Variants in ZNF704 observed in about 807,000 individuals in gnomAD.
ZNF704 encodes the protein zinc finger protein 704.
In ZNF704, 10 loss-of-function variants were observed where a neutral mutation model predicts 44.7. That is an observed-to-expected ratio of 0.22 (90% CI 0.14 to 0.38). The LOEUF is 0.38. Ranked by LOEUF, ZNF704 falls within the 10% of genes least tolerant of loss-of-function variation. ZNF704 has a pLI of 1.00. For missense variants in ZNF704, 390 were observed against 545.5 expected (o/e 0.71, Z 2.84); for synonymous variants, 211 against 207.6 (o/e 1.02, Z -0.14).
chr8:80,766,167 T>A (rs1287250493), intron 2 of ZNF704, among the ~76,000 whole-genome samples: 1 of 152,152 alleles, frequency 6.6e-6, no homozygotes, highest in Non-Finnish European at 1.5e-5. Flanking sequence ...CGCTTCCCTG[T>A]TCACAGTAAC....
Position 80,835,842 on chromosome 8 carries a change from C to T in ZNF704, c.-21-14227G>A, listed in dbSNP as rs1808550006. 2.0e-5 allele frequency among the ~76,000 whole-genome samples: 3 copies of T among 152,134 alleles called. No individual in the cohort carries two copies. The East Asian group carries it at 5.8e-4, about 29-fold the overall frequency. Reference sequence around the variant, plus strand: ...GATATTTTATTTGTTTTATATAATTCAAAGTTCAACTCACCCATTCACACC... The same window carrying T: ...GATATTTTATTTGTTTTATATAATTTAAAGTTCAACTCACCCATTCACACC... On this transcript the variant is annotated intron_variant, in intron 1 of 8. Coordinates refer to ENST00000327835, the MANE Select transcript of ZNF704 (RefSeq NM_001033723.3).
At chr8:80,827,590 C>A (rs913129254) in intron 1 of ZNF704, among the ~76,000 whole-genome samples, 3 of 152,098 alleles carry the variant, frequency 2.0e-5, no homozygotes, top group Admixed American at 6.5e-5. Flanking sequence ...TCATATGGAA[C>A]CAAAAAAGAG....
chr8:80,761,728 C>G (rs1289257962), intron 2 of ZNF704, among the ~76,000 whole-genome samples: 1 of 152,182 alleles, frequency 6.6e-6, no homozygotes, highest in Non-Finnish European at 1.5e-5. Context: ...CATAAACACT[C>G]AGGTATACTA....
At chr8:80,681,949 G>A (rs1194308446) in intron 4 of ZNF704, among the ~76,000 whole-genome samples, 1 of 152,144 alleles carries the variant, frequency 6.6e-6, no homozygotes, top group Non-Finnish European at 1.5e-5. Context: ...TTTTCTCTAT[G>A]AGGCCAATCA....
At chr8:80,850,084 T>C (rs868198949) in intron 1 of ZNF704, among the ~76,000 whole-genome samples, 3 of 152,198 alleles carry the variant, frequency 2.0e-5, no homozygotes, top group Non-Finnish European at 4.4e-5. Flanking sequence ...GCTGGGTTTG[T>C]ACTTTTATTT....
intron 2 of ZNF704, among the ~76,000 whole-genome samples, chr8:80,704,560 T>C (rs995817200): frequency 6.6e-6 from 1 of 152,042 alleles, no homozygotes; most frequent in Non-Finnish European, 1.5e-5. Flanking sequence ...GATTAGAGGG[T>C]TGGACTTCCG....
intron 2 of ZNF704, among the ~76,000 whole-genome samples, chr8:80,784,644 T>C (rs982341261): frequency 1.2e-4 from 19 of 152,166 alleles, no homozygotes; most frequent in Non-Finnish European, 2.4e-4. Context: ...GTTCTTTGTA[T>C]ATTTTGGATA....
At chr8:80,816,323 T>C (rs1189927792) in intron 2 of ZNF704, among the ~76,000 whole-genome samples, 1 of 152,230 alleles carries the variant, frequency 6.6e-6, no homozygotes, top group Non-Finnish European at 1.5e-5. Context: ...TAAACATCCT[T>C]CACACAATCA....
chr8:80,849,674 G>A (rs942066840), intron 1 of ZNF704, among the ~76,000 whole-genome samples: 1 of 152,194 alleles, frequency 6.6e-6, no homozygotes, highest in African/African-American at 2.4e-5. Flanking sequence ...ATTTGCAAGA[G>A]AGTGAGTTCC....
At chr8:80,764,735 A>T (rs1214067784) in intron 2 of ZNF704, among the ~76,000 whole-genome samples, 1 of 152,224 alleles carries the variant, frequency 6.6e-6, no homozygotes, top group Non-Finnish European at 1.5e-5. Flanking sequence ...CTGCTTTTGC[A>T]GCACCAATAA....
At chr8:80,691,229 T>C (rs974897321) in intron 3 of ZNF704, among the ~76,000 whole-genome samples, 3 of 152,234 alleles carry the variant, frequency 2.0e-5, no homozygotes, top group Non-Finnish European at 4.4e-5. Flanking sequence ...GTGAACCATA[T>C]CTTAATCTCA....
At chr8:80,761,491 C>T (rs1041130505) in intron 2 of ZNF704, among the ~76,000 whole-genome samples, 1 of 151,958 alleles carries the variant, frequency 6.6e-6, no homozygotes, top group Admixed American at 6.6e-5. Flanking sequence ...CACTGAAATC[C>T]CCAAAAATCA....
intron 2 of ZNF704, among the ~76,000 whole-genome samples, chr8:80,779,771 C>G (rs1807479468): frequency 1.3e-5 from 2 of 151,874 alleles, no homozygotes; most frequent in South Asian, 4.1e-4. Flanking sequence ...TAGAGTCACT[C>G]TCTACAGGAT....
At chr8:80,706,769 G>T (rs1818904958) in intron 2 of ZNF704, among the ~76,000 whole-genome samples, 1 of 152,222 alleles carries the variant, frequency 6.6e-6, no homozygotes, top group African/African-American at 2.4e-5. Flanking sequence ...GTTTTTCATT[G>T]TAACTTTAAA....
intron 2 of ZNF704, among the ~76,000 whole-genome samples, chr8:80,798,900 C>T (rs932884740): frequency 6.6e-6 from 1 of 152,120 alleles, no homozygotes; most frequent in Non-Finnish European, 1.5e-5. Context: ...GTTTAGGGGC[C>T]GTATCTGGTG....
chr8:80,724,237 G>C (rs1317734086), intron 2 of ZNF704, among the ~76,000 whole-genome samples: 2 of 152,192 alleles, frequency 1.3e-5, no homozygotes, highest in Non-Finnish European at 2.9e-5. Flanking sequence ...GAGGTAGTTT[G>C]ACAGAGGTTA....
At position 80,631,304 on chromosome 8, in the gene ZNF704, C is replaced by G. The variant is rs1367204661; in HGVS notation, c.*10062G>C. 6.6e-6 allele frequency: 1 copy of G among 152,176 alleles called. No individual in the cohort carries two copies. Among genetic ancestry groups the G allele is most frequent in the Non-Finnish European group, 1.5e-5 (1 of 68,040 alleles). 9.4% of individuals were successfully genotyped at this position (152,176 alleles called of 1,614,324 possible). A position where few individuals can be genotyped will look rare whatever the true frequency, so the allele number is the denominator to read the frequency against. Reference sequence around the variant, plus strand: ...GCCGCTCTTCCTCTTTCCTCTCGGTCCCAGCCATCTGTGCCCAAAACATAG... The same window carrying G: ...GCCGCTCTTCCTCTTTCCTCTCGGTGCCAGCCATCTGTGCCCAAAACATAG... On this transcript the variant is annotated 3_prime_UTR_variant, in exon 9 of 9. Transcript: ENST00000327835.
intron 1 of ZNF704, among the ~76,000 whole-genome samples, chr8:80,834,432 G>C (rs976828467): frequency 2.6e-5 from 4 of 152,118 alleles, no homozygotes; most frequent in African/African-American, 9.7e-5. Flanking sequence ...TTATGTTTTG[G>C]CATCATATGT....
chr8:80,700,978 T>C (rs543254156), intron 2 of ZNF704, among the ~76,000 whole-genome samples: 1 of 152,044 alleles, frequency 6.6e-6, no homozygotes, highest in East Asian at 1.9e-4. Flanking sequence ...CCTAGGCAGT[T>C]AGAGGCTAGT....
Sources: gnomAD v4.1 joint callset for allele counts (sites outside exome capture counted in the v4.1 genomes callset) on GRCh38, gnomAD v4.1.1 for gene constraint, MANE v1.5 for transcripts, NCBI Gene and HGNC (gene_info 2026-07-23, HGNC 2026-07-21) for gene names.